The following SYT1 variants were observed in gnomAD, a reference collection of about 807,000 sequenced individuals.
SYT1 encodes synaptotagmin 1, also known as synaptotagmin-1.
A neutral mutation model predicts 44.8 loss-of-function variants in SYT1; 8 were observed. The observed-to-expected ratio is 0.18, with a 90% CI of 0.10 to 0.32. The LOEUF is 0.32. Among genes scored for constraint, SYT1 ranks in the 10% least tolerant of loss-of-function variants. The pLI, the probability that SYT1 is intolerant of heterozygous loss-of-function variation, is 1.00. For missense variants in SYT1, 286 were observed against 509.3 expected, an observed-to-expected ratio of 0.56 and a Z score of 4.22; for synonymous variants, 154 against 188.8, an observed-to-expected ratio of 0.82 and a Z score of 1.51.
chr12:79,180,427 C>G (rs1271933138), intron 3 of SYT1, among the ~76,000 whole-genome samples: 2 of 151,868 alleles, frequency 1.3e-5, no homozygotes, highest in African/African-American at 4.8e-5. Flanking sequence ...TGGTATTAGT[C>G]CATTCTCACA....
chr12:79,066,330 G>C (rs1875849226), intron 3 of SYT1, among the ~76,000 whole-genome samples: 1 of 152,114 alleles, frequency 6.6e-6, no homozygotes, highest in African/African-American at 2.4e-5. Flanking sequence ...AGCTGCCTAT[G>C]AACTGGACAT....
At chr12:78,913,959 G>A (rs961489769) in intron 1 of SYT1, among the ~76,000 whole-genome samples, 3 of 151,768 alleles carry the variant, frequency 2.0e-5, no homozygotes, top group African/African-American at 7.2e-5. Flanking sequence ...GGTTTGCCTT[G>A]AGAAAATCAG....
intron 2 of SYT1, among the ~76,000 whole-genome samples, chr12:78,998,700 G>T (rs979143406): frequency 6.6e-6 from 1 of 152,110 alleles, no homozygotes; most frequent in Non-Finnish European, 1.5e-5. Flanking sequence ...TGTGATCTCC[G>T]ATTTGTTTAC....
At chr12:79,419,635 T>C (rs545171660) in intron 9 of SYT1, among the ~76,000 whole-genome samples, 1 of 152,272 alleles carries the variant, frequency 6.6e-6, no homozygotes, top group East Asian at 1.9e-4. Context: ...TAATGAAATA[T>C]TTGAGGTCTA....
intron 3 of SYT1, among the ~76,000 whole-genome samples, chr12:79,108,890 A>G (rs1878861350): frequency 1.3e-5 from 2 of 152,210 alleles, no homozygotes; most frequent in African/African-American, 2.4e-5. Flanking sequence ...ATGTCTTCTC[A>G]TAAGGATAGT....
intron 2 of SYT1, among the ~76,000 whole-genome samples, chr12:79,045,362 C>A (rs1046310592): frequency 6.6e-6 from 1 of 152,180 alleles, no homozygotes; most frequent in South Asian, 2.1e-4. Context: ...GCGCAGTATT[C>A]GGGAGGGAGT....
At chr12:78,919,580 AC>A (rs1453306774) in intron 1 of SYT1, among the ~76,000 whole-genome samples, 3 of 152,014 alleles carry the variant, frequency 2.0e-5, no homozygotes, top group African/African-American at 7.2e-5. Flanking sequence ...ATATATTACC[AC>A]CCCATTTCCC....
At chr12:79,438,288 A>G (rs763646148) in intron 9 of SYT1, among the ~76,000 whole-genome samples, 1 of 152,184 alleles carries the variant, frequency 6.6e-6, no homozygotes, top group African/African-American at 2.4e-5. Flanking sequence ...TGGCAGATTC[A>G]TTGTATCCAG....
chr12:78,963,916 C>T (rs1879641580), intron 1 of SYT1: 1 of 152,068 alleles, frequency 6.6e-6, no homozygotes, highest in Non-Finnish European at 1.5e-5. Flanking sequence ...GTGGAAATAA[C>T]CTAAATGTCC....
intron 1 of SYT1, among the ~76,000 whole-genome samples, chr12:78,896,550 A>G (rs2137085612): frequency 6.6e-6 from 1 of 151,940 alleles, no homozygotes; most frequent in South Asian, 2.1e-4. Flanking sequence ...TCTGAAACAT[A>G]GAAGAGGTGA....
chr12:79,371,289 T>C (rs1165861515), intron 9 of SYT1, among the ~76,000 whole-genome samples: 3 of 152,006 alleles, frequency 2.0e-5, no homozygotes, highest in Admixed American at 1.3e-4. Context: ...ACCTAGACAG[T>C]GCACACTGTA....
chr12:79,135,471 G>T (rs1592780584), intron 3 of SYT1, among the ~76,000 whole-genome samples: 1 of 151,994 alleles, frequency 6.6e-6, no homozygotes, highest in Non-Finnish European at 1.5e-5. Context: ...TGTTCCTATT[G>T]TAAAGACTCA....
chr12:78,991,450 G>A (rs1264312826), intron 2 of SYT1, among the ~76,000 whole-genome samples: 4 of 151,994 alleles, frequency 2.6e-5, no homozygotes, highest in Admixed American at 2.6e-4. Context: ...AAACCTCACA[G>A]TTAATTAATA....
At chr12:79,122,271 T>G (rs900461108) in intron 3 of SYT1, among the ~76,000 whole-genome samples, 5 of 151,730 alleles carry the variant, frequency 3.3e-5, no homozygotes, top group Non-Finnish European at 5.9e-5. Flanking sequence ...TCCCAGCACT[T>G]TGGGAGGCCG....
chr12:78,951,250 C>T (rs904214279), intron 1 of SYT1, among the ~76,000 whole-genome samples: 1 of 151,952 alleles, frequency 6.6e-6, no homozygotes, highest in African/African-American at 2.4e-5. Context: ...CCTCCTAATA[C>T]GTCAGTCTAT....
intron 1 of SYT1, among the ~76,000 whole-genome samples, chr12:78,893,888 G>A (rs1267000603): frequency 1.3e-5 from 2 of 151,512 alleles, no homozygotes; most frequent in Non-Finnish European, 3.0e-5. Flanking sequence ...CATTTCTCCT[G>A]AAGACCTCAA....
chr12:78,865,988 G>C (rs766113227), intron 1 of SYT1, among the ~76,000 whole-genome samples: 1 of 151,958 alleles, frequency 6.6e-6, no homozygotes, highest in Non-Finnish European at 1.5e-5. Context: ...GTTGTTGGGG[G>C]ATCAAAAAAT....
intron 3 of SYT1, among the ~76,000 whole-genome samples, chr12:79,051,926 T>C (rs1037168012): frequency 2.0e-5 from 3 of 152,148 alleles, no homozygotes; most frequent in Admixed American, 6.6e-5. Flanking sequence ...TTTCAGTTAC[T>C]GTAGCCTTGT....
intron 8 of SYT1, among the ~76,000 whole-genome samples, chr12:79,324,229 C>A (rs983743111): frequency 6.6e-6 from 1 of 151,996 alleles, no homozygotes; most frequent in African/African-American, 2.4e-5. Flanking sequence ...GGATTACAGG[C>A]GTGAGCCACC....
Sources: gnomAD v4.1 joint callset for allele counts (sites outside exome capture counted in the v4.1 genomes callset) on GRCh38, gnomAD v4.1.1 for gene constraint, MANE v1.5 for transcripts, NCBI Gene and HGNC (gene_info 2026-07-23, HGNC 2026-07-21) for gene names.